STK32B: variants seen among roughly 807,000 people sequenced by gnomAD.
STK32B encodes the protein serine/threonine-protein kinase 32B.
A neutral mutation model predicts 52.6 loss-of-function variants in STK32B; 43 were observed. That is an observed-to-expected ratio of 0.82 (90% CI 0.64 to 1.05). The LOEUF is 1.05. Among genes scored for constraint, STK32B ranks in the 50% least tolerant of loss-of-function variants. The pLI is 0.00. For synonymous variants in STK32B, 238 were observed against 204.3 expected, an observed-to-expected ratio of 1.17 and a Z score of -1.41; for missense variants, 621 against 534.6, an observed-to-expected ratio of 1.16 and a Z score of -1.59.
At chr4:5,352,428 A>G (rs1025796899) in intron 4 of STK32B, among the ~76,000 whole-genome samples, 3 of 152,046 alleles carry the variant, frequency 2.0e-5, no homozygotes, top group Non-Finnish European at 4.4e-5. Context: ...TAGACTAGGC[A>G]TAGAAGAAAC....
At chr4:5,204,190 G>A (rs1722378501) in intron 3 of STK32B, 1 of 152,122 alleles carries the variant, frequency 6.6e-6, no homozygotes, top group Non-Finnish European at 1.5e-5. Flanking sequence ...CAGAATCGTG[G>A]GTAGAATTGT....
At chr4:5,069,384 A>C (rs373795026) in intron 1 of STK32B, among the ~76,000 whole-genome samples, 19 of 151,884 alleles carry the variant, frequency 1.3e-4, no homozygotes, top group African/African-American at 4.1e-4. Flanking sequence ...TCTCTAAACT[A>C]CGTTCCACCT....
chr4:5,204,866 GCCTCTTGATGGCTAATTTTTTCTAT>G (rs1722445789), intron 3 of STK32B, among the ~76,000 whole-genome samples: 1 of 152,160 alleles, frequency 6.6e-6, no homozygotes, highest in Non-Finnish European at 1.5e-5. Flanking sequence ...CTGCCTCTTT[GCCTCTTGATGGCTAATTTTTTCTAT>G]CAACTTGACT....
At chr4:5,450,458 T>C (rs4234706) in intron 7 of STK32B, among the ~76,000 whole-genome samples, 1 of 152,126 alleles carries the variant, frequency 6.6e-6, no homozygotes, top group East Asian at 1.9e-4. Flanking sequence ...CCAGGGAGCG[T>C]TGTACCTCCA....
intron 4 of STK32B, among the ~76,000 whole-genome samples, chr4:5,341,849 C>G (rs933001933): frequency 6.6e-6 from 1 of 151,992 alleles, no homozygotes; most frequent in Non-Finnish European, 1.5e-5. Flanking sequence ...GTGCTATACA[C>G]TTTTTTTTAA....
intron 3 of STK32B, among the ~76,000 whole-genome samples, chr4:5,245,059 G>T (rs1725340673): frequency 6.6e-6 from 1 of 152,170 alleles, no homozygotes; most frequent in African/African-American, 2.4e-5. Flanking sequence ...TTGATTTGGG[G>T]TGGAGAGTTC....
intron 3 of STK32B, among the ~76,000 whole-genome samples, chr4:5,282,533 T>C (rs1036945571): frequency 5.9e-5 from 9 of 152,200 alleles, no homozygotes; most frequent in Non-Finnish European, 2.9e-5. Context: ...TATCTTACTA[T>C]GCTGTACTAA....
At chr4:5,413,096 C>T (rs1711844158) in intron 5 of STK32B, among the ~76,000 whole-genome samples, 1 of 152,168 alleles carries the variant, frequency 6.6e-6, no homozygotes, top group African/African-American at 2.4e-5. Flanking sequence ...TCCTCTTCTT[C>T]AGATCTTTGC....
intron 11 of STK32B, among the ~76,000 whole-genome samples, chr4:5,477,772 C>T (rs887842277): frequency 4.6e-5 from 7 of 152,126 alleles, no homozygotes; most frequent in East Asian, 1.9e-4. Context: ...GCTCACTGGC[C>T]GGAACTAGTC....
intron 3 of STK32B, among the ~76,000 whole-genome samples, chr4:5,323,855 A>G (rs73091682): frequency 0.011 from 1,721 of 152,320 alleles, 16 homozygotes; most frequent in African/African-American, 0.024. Context: ...CTTGGCCACA[A>G]GGAAAGTGCT....
At chr4:5,468,265 C>G (rs542443451) in intron 11 of STK32B, among the ~76,000 whole-genome samples, 195 bp downstream of exon 11, 1 of 152,334 alleles carries the variant, frequency 6.6e-6, no homozygotes, top group Admixed American at 6.5e-5. Flanking sequence ...GATCCTGCCT[C>G]TGCTGTGTGG....
intron 2 of STK32B, among the ~76,000 whole-genome samples, chr4:5,151,026 G>C (rs1401967102): frequency 2.0e-5 from 3 of 152,124 alleles, no homozygotes; most frequent in African/African-American, 7.2e-5. Context: ...AAATCTGTTA[G>C]TGTGTGGCCT....
At chr4:5,379,463 C>T (rs1467053697) in intron 4 of STK32B, among the ~76,000 whole-genome samples, 3 of 152,150 alleles carry the variant, frequency 2.0e-5, no homozygotes, top group Admixed American at 1.3e-4. Context: ...ATGGGATTCC[C>T]ATCTCTCCAC....
chr4:5,153,786 C>T (rs10024921), intron 2 of STK32B, among the ~76,000 whole-genome samples: 49,333 of 152,018 alleles, frequency 0.32, 9,437 homozygotes, highest in Non-Finnish European at 0.44. Context: ...TGGAAAACAT[C>T]AAAGAAACTA....
At position 5,155,723 on chromosome 4, in the gene STK32B, C is replaced by G. The variant is rs543506318; in HGVS notation, c.109-12576C>G. Reference sequence around the variant, plus strand: ...GGCACTTCCTTGCTCTCTTTCTCCTCCTGCCTTGTGAAGAAGGTGCCTGCT... The same window carrying G: ...GGCACTTCCTTGCTCTCTTTCTCCTGCTGCCTTGTGAAGAAGGTGCCTGCT... On this transcript the variant is annotated intron_variant, in intron 2 of 11. Coordinates refer to ENST00000282908, the MANE Select transcript of STK32B (RefSeq NM_018401.3). Among the ~76,000 whole-genome samples the G allele has an allele frequency of 5.9e-5, 9 of 152,240 alleles. 1 individual carries two copies. The South Asian group carries it at 1.9e-3, about 32-fold the overall frequency.
chr4:5,020,660 G>A, the STK32B span, among the ~76,000 whole-genome samples: 1 of 152,270 alleles, frequency 6.6e-6, no homozygotes, highest in South Asian at 2.1e-4. Flanking sequence ...TGGGTGAGGA[G>A]CAGGACTCTT....
At chr4:5,297,281 C>T (rs1729264525) in intron 3 of STK32B, among the ~76,000 whole-genome samples, 1 of 152,098 alleles carries the variant, frequency 6.6e-6, no homozygotes, top group Admixed American at 6.5e-5. Context: ...CAAGGAGTAT[C>T]TTAGTGGTGT....
intron 4 of STK32B, among the ~76,000 whole-genome samples, chr4:5,372,987 T>G (rs1025561636): frequency 6.6e-6 from 1 of 152,144 alleles, no homozygotes; most frequent in African/African-American, 2.4e-5. Flanking sequence ...TGAATATATG[T>G]CAAGTATTTC....
intron 3 of STK32B, among the ~76,000 whole-genome samples, chr4:5,225,590 G>A (rs536384306): frequency 4.6e-5 from 7 of 152,138 alleles, no homozygotes; most frequent in African/African-American, 1.2e-4. Flanking sequence ...AGGCCCTCCC[G>A]GTGGCTGACA....
Sources: allele counts gnomAD v4.1 joint callset (sites outside exome capture counted in the v4.1 genomes callset), GRCh38; gene constraint gnomAD v4.1.1; transcripts MANE v1.5; gene names NCBI Gene and HGNC (gene_info 2026-07-23, HGNC 2026-07-21).